HSD17B12: variants seen among roughly 807,000 people sequenced by gnomAD.
The protein encoded by HSD17B12 is very-long-chain 3-oxoacyl-CoA reductase.
In HSD17B12, 32 loss-of-function variants were observed where a neutral mutation model predicts 39.3. That is an observed-to-expected ratio of 0.81 (90% confidence interval 0.61 to 1.09). The LOEUF (loss-of-function observed/expected upper bound fraction) is 1.09. Among genes scored for constraint, HSD17B12 ranks in the 50% least tolerant of loss-of-function variants. The pLI, the probability that HSD17B12 is intolerant of heterozygous loss-of-function variation, is 0.00. For missense variants in HSD17B12, 342 were observed against 382.9 expected (o/e 0.89, Z 0.89); for synonymous variants, 150 against 146.7 (o/e 1.02, Z -0.16).
At chr11:43,772,539 C>G (rs1258722742) in intron 3 of HSD17B12, among the ~76,000 whole-genome samples, 1 of 152,208 alleles carries the variant, frequency 6.6e-6, no homozygotes, top group Non-Finnish European at 1.5e-5. Context: ...TACATAGCAA[C>G]ATTGCCTCTG....
At chr11:43,720,541 A>G (rs990094273) in intron 1 of HSD17B12, among the ~76,000 whole-genome samples, 1 of 152,206 alleles carries the variant, frequency 6.6e-6, no homozygotes, top group East Asian at 1.9e-4. Flanking sequence ...TCTGCCTGCC[A>G]TCAGGTCCCA....
rs943274161 is a variant in HSD17B12 at position 43,729,562 on chromosome 11, G to A, written c.161-21349G>A. On this transcript the variant is annotated intron_variant, in intron 1 of 10. Transcript: ENST00000278353. ...GTTTGTAGAATAAAAAGCCATGTAAGTAAATAAATGAAATCACTGAAAAGT... is the reference window on the plus strand; with the variant it reads ...GTTTGTAGAATAAAAAGCCATGTAAATAAATAAATGAAATCACTGAAAAGT... 3.3e-5 allele frequency among the ~76,000 whole-genome samples: 5 copies of A among 152,170 alleles called. No homozygotes were observed. The East Asian group carries it at 9.6e-4, about 29-fold the overall frequency.
chr11:43,739,949 G>A (rs767803699), intron 1 of HSD17B12, among the ~76,000 whole-genome samples: 5 of 152,164 alleles, frequency 3.3e-5, no homozygotes, highest in Non-Finnish European at 5.9e-5. Context: ...GTTCAGATTT[G>A]CACTTTGGAG....
At chr11:43,809,497 T>C (rs536944035) in intron 4 of HSD17B12, among the ~76,000 whole-genome samples, 1 of 152,268 alleles carries the variant, frequency 6.6e-6, no homozygotes, top group East Asian at 1.9e-4. Context: ...TATTTTGAAA[T>C]ATAGTGAGGT....
In HSD17B12 at chr11:43,782,769, A is replaced by G. The variant is rs117405592; in HGVS notation, c.284-15551A>G. Among the ~76,000 whole-genome samples the G allele has an allele frequency of 3.2e-3, 489 of 152,360 alleles. 4 individuals are homozygous for G. Among genetic ancestry groups the G allele is most frequent in the Non-Finnish European group, 4.4e-3 (302 of 68,036 alleles). On this transcript the variant is annotated intron_variant, in intron 3 of 10. Transcript: ENST00000278353. ...TTTTACAAGGAATGGGATTTAATGTAGTCTTAAAGTATCTTCCTACAGAAT... is the reference window on the plus strand; with the variant it reads ...TTTTACAAGGAATGGGATTTAATGTGGTCTTAAAGTATCTTCCTACAGAAT...
the HSD17B12 span, among the ~76,000 whole-genome samples, chr11:43,561,430 A>C: frequency 6.6e-6 from 1 of 152,214 alleles, no homozygotes; most frequent in Non-Finnish European, 1.5e-5. Context: ...ACCCAATAAA[A>C]AGAGTATTTT....
At chr11:43,650,238 A>T in the HSD17B12 span, among the ~76,000 whole-genome samples, 1 of 152,210 alleles carries the variant, frequency 6.6e-6, no homozygotes, top group Non-Finnish European at 1.5e-5. Context: ...ACAATAAGTA[A>T]GGAGTTTTGT....
At chr11:43,777,955 C>G (rs1184487529) in intron 3 of HSD17B12, among the ~76,000 whole-genome samples, 1 of 152,034 alleles carries the variant, frequency 6.6e-6, no homozygotes, top group African/African-American at 2.4e-5. Context: ...CATTCAAAAG[C>G]TAGCAGAAGG....
chr11:43,616,428 A>AAAAC, the HSD17B12 span, among the ~76,000 whole-genome samples: 8 of 150,746 alleles, frequency 5.3e-5, no homozygotes, highest in African/African-American at 1.9e-4. Flanking sequence ...CAAAAAACAA[A>AAAAC]AAAAAAACAA....
chr11:43,613,689 T>C, the HSD17B12 span, among the ~76,000 whole-genome samples: 4 of 151,744 alleles, frequency 2.6e-5, no homozygotes, highest in African/African-American at 4.8e-5. Context: ...TTTTTTGAGA[T>C]GGAGTCTCAC....
At chr11:43,590,521 T>TTTTTTTTTTTTTTTTTTTTTTTTTTTTC in the HSD17B12 span, among the ~76,000 whole-genome samples, 2 of 127,388 alleles carry the variant, frequency 1.6e-5, 1 homozygote, top group Non-Finnish European at 3.4e-5. Context: ...TTTTTTTTTT[T>TTTTTTTTTTTTTTTTTTTTTTTTTTTTC]TTTTTTGAGA....
At chr11:43,827,790 A>G (rs1189824551) in intron 6 of HSD17B12, among the ~76,000 whole-genome samples, 1 of 152,196 alleles carries the variant, frequency 6.6e-6, no homozygotes, top group Non-Finnish European at 1.5e-5. Flanking sequence ...TTTATTTCCC[A>G]GCCAGAATAT....
At position 43,826,086 on chromosome 11, in the gene HSD17B12, T is replaced by TC. The variant is rs1169158626; in HGVS notation, c.502-4890_502-4889insC. Among the ~76,000 whole-genome samples, 6 of 21,224 alleles carry TC rather than the reference T, an allele frequency of 2.8e-4. No homozygotes were observed. In the East Asian group the frequency reaches 7.5e-3, roughly 27 times the overall value. 13.9% of individuals were successfully genotyped at this position (21,224 alleles called of 152,430 possible). On this transcript the variant is annotated intron_variant, in intron 6 of 10. Transcript: ENST00000278353. Reference sequence around the variant, plus strand: ...TATATGCAGTCTTTTTTTTTCTTTTTTTTTTTTTTTTTTTGAGACGGAGTC... The same window carrying TC: ...TATATGCAGTCTTTTTTTTTCTTTTTCTTTTTTTTTTTTTTGAGACGGAGTC...
intron 7 of HSD17B12, chr11:43,833,243 T>G (rs1162484821): frequency 6.6e-6 from 1 of 152,154 alleles, no homozygotes; most frequent in Admixed American, 6.5e-5. Context: ...ATTAAAGAAC[T>G]TAGTTACTAG....
chr11:43,643,387 A>T, the HSD17B12 span, among the ~76,000 whole-genome samples: 1 of 152,152 alleles, frequency 6.6e-6, no homozygotes, highest in Non-Finnish European at 1.5e-5. Flanking sequence ...AAAACCTTGA[A>T]GGAGTTCATT....
chr11:43,569,378 G>T, the HSD17B12 span: 1 of 152,216 alleles, frequency 6.6e-6, no homozygotes, highest in Non-Finnish European at 1.5e-5. Context: ...GGTTGTCATT[G>T]TCCTAAACAG....
At chr11:43,816,300 C>T in intron 5 of HSD17B12, 47 bp from the exon 6 acceptor site, 7 of 1,386,218 alleles carry the variant, frequency 5.0e-6, no homozygotes, top group Non-Finnish European at 6.8e-6. Context: ...CTAATAGGGT[C>T]ACTTTCATGA....
chr11:43,569,199 A>G, the HSD17B12 span: 1 of 152,212 alleles, frequency 6.6e-6, no homozygotes, highest in African/African-American at 2.4e-5. Context: ...ACAGTGGGAC[A>G]GTGGCTACAG....
chr11:43,779,424 G>A (rs533227750), intron 3 of HSD17B12, among the ~76,000 whole-genome samples: 1 of 152,286 alleles, frequency 6.6e-6, no homozygotes, highest in Non-Finnish European at 1.5e-5. Context: ...TTACAACATT[G>A]GTTTTATGCA....
Sources: allele counts gnomAD v4.1 joint callset (sites outside exome capture counted in the v4.1 genomes callset), GRCh38; gene constraint gnomAD v4.1.1; transcripts MANE v1.5; gene names NCBI Gene and HGNC (gene_info 2026-07-23, HGNC 2026-07-21).